Variants in ACTR3 observed in about 807,000 individuals in gnomAD.
ACTR3 encodes the protein actin-related protein 3.
A neutral mutation model predicts 56.8 loss-of-function variants in ACTR3; 12 were observed. The ratio of observed to expected loss-of-function variants is 0.21; its 90% CI spans 0.14 to 0.34. The LOEUF (loss-of-function observed/expected upper bound fraction) is 0.34. ACTR3 is among the 10% of genes least tolerant of loss of function. The pLI, the probability that ACTR3 is intolerant of heterozygous loss-of-function variation, is 1.00. For synonymous variants in ACTR3, 162 were observed against 167.4 expected, an observed-to-expected ratio of 0.97 and a Z score of 0.25; for missense variants, 282 against 512.5, an observed-to-expected ratio of 0.55 and a Z score of 4.34.
intron 3 of ACTR3, among the ~76,000 whole-genome samples, chr2:113,918,643 C>T (rs1342440832): frequency 1.3e-5 from 2 of 152,070 alleles, no homozygotes; most frequent in Non-Finnish European, 2.9e-5. Flanking sequence ...CCTTGGCCTG[C>T]CAAAGTGCTG....
intron 4 of ACTR3, among the ~76,000 whole-genome samples, chr2:113,927,771 A>G (rs1268480279): frequency 1.3e-5 from 2 of 152,186 alleles, no homozygotes; most frequent in South Asian, 4.1e-4. Context: ...CAATAGTCTG[A>G]TTATTATATC....
intron 8 of ACTR3, among the ~76,000 whole-genome samples, chr2:113,944,051 A>G (rs1419975357): frequency 1.3e-5 from 2 of 152,200 alleles, no homozygotes; most frequent in East Asian, 1.9e-4. Flanking sequence ...GAATGTTTCA[A>G]GAAGGGAGGG....
At chr2:113,901,641 G>C (rs1052432771) in intron 1 of ACTR3, among the ~76,000 whole-genome samples, 6 of 152,176 alleles carry the variant, frequency 3.9e-5, no homozygotes, top group Admixed American at 3.9e-4. Flanking sequence ...GGAAAGAGTT[G>C]TGCTAGATCA....
rs916590057 is a variant in ACTR3 at position 113,942,426 on chromosome 2, G to A, written c.858+67G>A. ...AAATATGAATTAATAGATATTCAGA[G>A]AGAATTAATCTCAGAAACTTTTATT... On this transcript the variant is annotated intron_variant, in intron 8 of 11. Transcript: ENST00000263238. 4.4e-6 allele frequency: 5 copies of A among 1,129,088 alleles called. No individual in the cohort carries two copies. The African/African-American group carries it at 8.0e-5, about 18-fold the overall frequency. 69.9% of individuals were successfully genotyped at this position (1,129,088 alleles called of 1,614,324 possible).
chr2:113,919,407 G>GA (rs922023285), intron 3 of ACTR3, among the ~76,000 whole-genome samples: 1 of 151,840 alleles, frequency 6.6e-6, no homozygotes, highest in Non-Finnish European at 1.5e-5. Flanking sequence ...TTTATTTATG[G>GA]AAAAAAACTT....
At chr2:113,956,838 T>G (rs1680223614) in intron 11 of ACTR3, among the ~76,000 whole-genome samples, 1 of 152,256 alleles carries the variant, frequency 6.6e-6, no homozygotes, top group East Asian at 1.9e-4. Context: ...TTGGGCCATA[T>G]AACCTAGTTG....
intron 1 of ACTR3, among the ~76,000 whole-genome samples, chr2:113,902,062 T>A (rs1464962723): frequency 6.6e-6 from 1 of 152,240 alleles, no homozygotes; most frequent in East Asian, 1.9e-4. Flanking sequence ...TTATGACCCG[T>A]GAACATTTAA....
chr2:113,892,461 C>T (rs1678923481), intron 1 of ACTR3, among the ~76,000 whole-genome samples: 1 of 152,168 alleles, frequency 6.6e-6, no homozygotes, highest in Non-Finnish European at 1.5e-5. Context: ...ATCTGAAATT[C>T]CCCCTTTAGA....
chr2:113,938,020 A>G (rs1487245869), intron 6 of ACTR3, among the ~76,000 whole-genome samples: 5 of 151,854 alleles, frequency 3.3e-5, no homozygotes, highest in Non-Finnish European at 7.4e-5. Flanking sequence ...TGCTCTGTAC[A>G]TTTATTTTTT....
intron 3 of ACTR3, among the ~76,000 whole-genome samples, chr2:113,924,250 T>A (rs1679575382): frequency 6.6e-6 from 1 of 151,866 alleles, no homozygotes; most frequent in Non-Finnish European, 1.5e-5. Context: ...AAAATTTTTT[T>A]TTTTTTTGTA....
chr2:113,931,462 A>C, intron 5 of ACTR3, 66 bp downstream of exon 5: 4 of 1,117,674 alleles, frequency 3.6e-6, no homozygotes, highest in Non-Finnish European at 5.0e-6. Flanking sequence ...TGCTGCCTAA[A>C]ATACGTACTT....
In ACTR3 at chr2:113,959,380, G is replaced by A. The variant is rs1440742935; in HGVS notation, c.*1925G>A. 1.3e-5 allele frequency: 2 copies of A among 152,080 alleles called. No homozygotes were observed. The highest frequency in any genetic ancestry group is 3.9e-4 in the East Asian group (2 of 5,184). The allele number at this position is 152,080 out of a possible 1,614,324, so 9.4% of individuals were successfully genotyped here. A position where few individuals can be genotyped will look rare whatever the true frequency, so the allele number is the denominator to read the frequency against. On this transcript the variant is annotated 3_prime_UTR_variant, in exon 12 of 12. Transcript: ENST00000263238. ...CTCCTGGCCCAATAAAATATTGTTA[G>A]CATTGTCATAAATATGTCTTTTCCA...
chr2:113,916,706 C>T (rs1679410999), intron 2 of ACTR3, among the ~76,000 whole-genome samples, 178 bp from the exon 3 acceptor site: 2 of 151,976 alleles, frequency 1.3e-5, no homozygotes, highest in African/African-American at 2.4e-5. Context: ...GTTGAGGTTT[C>T]GTTGTGTGAA....
At chr2:113,941,485 T>G (rs1187883519) in intron 7 of ACTR3, among the ~76,000 whole-genome samples, 1 of 152,208 alleles carries the variant, frequency 6.6e-6, no homozygotes, top group Non-Finnish European at 1.5e-5. Flanking sequence ...TGATTATTAC[T>G]GGTAATATTT....
chr2:113,919,871 C>T (rs905736655), intron 3 of ACTR3, among the ~76,000 whole-genome samples: 5 of 152,210 alleles, frequency 3.3e-5, no homozygotes, highest in Admixed American at 6.5e-5. Flanking sequence ...ACTTCAGTCT[C>T]CTGAGTAGCT....
intron 1 of ACTR3, among the ~76,000 whole-genome samples, chr2:113,901,077 T>C (rs534155370): frequency 6.6e-6 from 1 of 152,346 alleles, no homozygotes; most frequent in East Asian, 1.9e-4. Context: ...CCCAGCACTT[T>C]GGGAGGCCGA....
chr2:113,932,657 C>T (rs1679744188), intron 5 of ACTR3, among the ~76,000 whole-genome samples: 1 of 152,058 alleles, frequency 6.6e-6, no homozygotes, highest in African/African-American at 2.4e-5. Flanking sequence ...TAACTGTTTA[C>T]AAAAGACTTG....
intron 1 of ACTR3, among the ~76,000 whole-genome samples, chr2:113,911,346 G>A (rs1679302728): frequency 6.7e-6 from 1 of 149,596 alleles, no homozygotes; most frequent in East Asian, 2.0e-4. Flanking sequence ...AGGTTAGTCA[G>A]TAGACCAATA....
intron 5 of ACTR3, chr2:113,934,054 C>T: frequency 2.1e-6 from 1 of 472,706 alleles, no homozygotes; most frequent in South Asian, 2.5e-5. Flanking sequence ...AAATCATGCT[C>T]CTAAAAGCAA....
Sources: gnomAD v4.1 joint callset for allele counts (sites outside exome capture counted in the v4.1 genomes callset) on GRCh38, gnomAD v4.1.1 for gene constraint, MANE v1.5 for transcripts, NCBI Gene and HGNC (gene_info 2026-07-23, HGNC 2026-07-21) for gene names.